Variants in ARL15 observed in about 807,000 individuals in gnomAD.
The protein encoded by ARL15 is ADP-ribosylation factor-like protein 15.
Under a neutral mutation model 25.2 loss-of-function variants are expected in ARL15, and 19 were observed. The observed-to-expected ratio is 0.75, with a 90% CI of 0.53 to 1.10. ARL15 has a LOEUF of 1.10. ARL15 is among the 50% of genes least tolerant of loss of function. The pLI is 0.00. For missense variants in ARL15, 220 were observed against 246.0 expected (o/e 0.89, Z 0.71); for synonymous variants, 94 against 86.8 (o/e 1.08, Z -0.46).
intron 4 of ARL15, among the ~76,000 whole-genome samples, chr5:53,968,266 C>A (rs1036921805): frequency 6.6e-6 from 1 of 152,260 alleles, no homozygotes; most frequent in South Asian, 2.1e-4. Flanking sequence ...AACAAGATAG[C>A]AAAACCTGGC....
At chr5:54,099,044 A>C (rs1752364244) in intron 4 of ARL15, among the ~76,000 whole-genome samples, 1 of 152,190 alleles carries the variant, frequency 6.6e-6, no homozygotes, top group Non-Finnish European at 1.5e-5. Context: ...TCACGTTAGG[A>C]GCACACACAA....
intron 2 of ARL15, among the ~76,000 whole-genome samples, chr5:54,166,268 C>T (rs1754562494): frequency 6.6e-6 from 1 of 152,112 alleles, no homozygotes; most frequent in Non-Finnish European, 1.5e-5. Context: ...GATCACAGCT[C>T]ATTGCAGCCT....
chr5:53,990,175 A>T (rs565751211), intron 4 of ARL15, among the ~76,000 whole-genome samples: 2 of 152,064 alleles, frequency 1.3e-5, no homozygotes, highest in Admixed American at 1.3e-4. Context: ...GTGAGCTAGG[A>T]TCACTATAGT....
chr5:54,300,172 C>T (rs1758579149), intron 1 of ARL15, among the ~76,000 whole-genome samples: 1 of 152,116 alleles, frequency 6.6e-6, no homozygotes, highest in Non-Finnish European at 1.5e-5. Flanking sequence ...CTAGCAATGC[C>T]TTTTTTACTG....
intron 4 of ARL15, among the ~76,000 whole-genome samples, chr5:53,896,455 T>A (rs1209227567): frequency 1.3e-5 from 2 of 152,134 alleles, no homozygotes; most frequent in African/African-American, 2.4e-5. Flanking sequence ...GAGGTTCCCA[T>A]CTAATTGAAC....
At chr5:53,936,654 A>G (rs1015917419) in intron 4 of ARL15, among the ~76,000 whole-genome samples, 10 of 152,236 alleles carry the variant, frequency 6.6e-5, no homozygotes, top group African/African-American at 2.4e-4. Flanking sequence ...TGCTCTTGCC[A>G]TTGTTGTTAC....
chr5:54,227,100 C>G (rs1756545511), intron 1 of ARL15, among the ~76,000 whole-genome samples: 1 of 152,184 alleles, frequency 6.6e-6, no homozygotes, highest in South Asian at 2.1e-4. Context: ...ATCACCCAGC[C>G]TCAGGTATAT....
At chr5:53,925,201 A>AT (rs70986650) in intron 4 of ARL15, among the ~76,000 whole-genome samples, 20,115 of 147,142 alleles carry the variant, frequency 0.14, 1,548 homozygotes, top group African/African-American at 0.18. Flanking sequence ...TATTTTTATA[A>AT]TTTTTTTTTT....
At chr5:53,890,675 C>CA (rs1345261235) in intron 4 of ARL15, among the ~76,000 whole-genome samples, 5 of 152,172 alleles carry the variant, frequency 3.3e-5, no homozygotes, top group African/African-American at 1.2e-4. Flanking sequence ...ACAAAGCCAC[C>CA]ACCAGCAGCC....
intron 2 of ARL15, among the ~76,000 whole-genome samples, chr5:54,163,355 GCTTTTTTTTTTTTTTTTTTTTTTTTT>G (rs1160207140): frequency 1.9e-5 from 1 of 51,342 alleles, no homozygotes; most frequent in Non-Finnish European, 3.5e-5. Flanking sequence ...TTGGTATGAA[GCTTTTTTTTTTTTTTTTTTTTTTTTT>G]TTTTTTTTTT....
intron 1 of ARL15, among the ~76,000 whole-genome samples, chr5:54,187,355 A>C (rs1220455161): frequency 2.6e-5 from 4 of 152,290 alleles, no homozygotes; most frequent in South Asian, 2.1e-4. Flanking sequence ...CCCTGTCTCC[A>C]AGTTCTTGTG....
chr5:54,305,460 C>G (rs887177197), intron 1 of ARL15, among the ~76,000 whole-genome samples: 3 of 148,680 alleles, frequency 2.0e-5, no homozygotes, highest in African/African-American at 7.4e-5. Context: ...AACTCTGTCA[C>G]AAAAAAAAAA....
intron 1 of ARL15, among the ~76,000 whole-genome samples, chr5:54,270,538 G>GCATT (rs563291874): frequency 3.3e-4 from 50 of 152,300 alleles, no homozygotes; most frequent in Admixed American, 3.1e-3. Context: ...GTTCATTCAT[G>GCATT]CATTCATTCC....
At chr5:54,242,196 A>G (rs1469449195) in intron 1 of ARL15, among the ~76,000 whole-genome samples, 1 of 152,148 alleles carries the variant, frequency 6.6e-6, no homozygotes, top group Non-Finnish European at 1.5e-5. Flanking sequence ...CAATTAAGTT[A>G]TAAGTTACAT....
chr5:53,889,874 G>A (rs552130869), intron 4 of ARL15, among the ~76,000 whole-genome samples: 5 of 149,794 alleles, frequency 3.3e-5, no homozygotes, highest in South Asian at 4.2e-4. Context: ...GTGCAATGGC[G>A]CAGTCTCGGC....
intron 4 of ARL15, among the ~76,000 whole-genome samples, chr5:53,901,179 C>G (rs567031788): frequency 1.4e-3 from 208 of 152,222 alleles, no homozygotes; most frequent in African/African-American, 4.9e-3. Context: ...TCCTTCCTTT[C>G]TGTCAATCAT....
chr5:54,176,259 T>G (rs1056462068), intron 1 of ARL15, among the ~76,000 whole-genome samples: 1 of 152,142 alleles, frequency 6.6e-6, no homozygotes, highest in Non-Finnish European at 1.5e-5. Context: ...GAAATCAACA[T>G]GTATTTGAAC....
chr5:54,060,879 GT>G (rs1751042041), intron 4 of ARL15, among the ~76,000 whole-genome samples: 1 of 152,182 alleles, frequency 6.6e-6, no homozygotes, highest in African/African-American at 2.4e-5. Flanking sequence ...CTTGGATGCT[GT>G]TAAAAGCATT....
At chr5:54,260,984 A>T in intron 1 of ARL15, among the ~76,000 whole-genome samples, 1 of 152,200 alleles carries the variant, frequency 6.6e-6, no homozygotes, top group East Asian at 1.9e-4. Flanking sequence ...AGAAAAAAAT[A>T]AATTAGTTCC....
Sources: gnomAD v4.1 joint callset for allele counts (sites outside exome capture counted in the v4.1 genomes callset) on GRCh38, gnomAD v4.1.1 for gene constraint, MANE v1.5 for transcripts, NCBI Gene and HGNC (gene_info 2026-07-23, HGNC 2026-07-21) for gene names.